The following CRCP variants were observed in gnomAD, a reference collection of about 807,000 sequenced individuals.
CRCP encodes the protein DNA-directed RNA polymerase III subunit RPC9.
In CRCP, 18 loss-of-function variants were observed where a neutral mutation model predicts 18.5. That is an observed-to-expected ratio of 0.97 (90% confidence interval 0.67 to 1.44). The LOEUF (loss-of-function observed/expected upper bound fraction) is 1.44. Among genes scored for constraint, CRCP ranks in the 40% most tolerant of loss-of-function variants. CRCP has a pLI of 0.00. For missense variants in CRCP, 130 were observed against 176.4 expected, an observed-to-expected ratio of 0.74 and a Z score of 1.49; for synonymous variants, 53 against 62.9, an observed-to-expected ratio of 0.84 and a Z score of 0.75.
At chr7:66,129,747 G>T (rs1398396173) in intron 2 of CRCP, among the ~76,000 whole-genome samples, 1 of 152,206 alleles carries the variant, frequency 6.6e-6, no homozygotes, top group East Asian at 1.9e-4. Flanking sequence ...CTAGGTGTTT[G>T]GGTGTTTTAT....
chr7:66,126,761 G>A (rs78190295), intron 1 of CRCP: 5,639 of 333,930 alleles, frequency 0.017, 490 homozygotes, highest in East Asian at 0.1. Context: ...GATAGTAGTA[G>A]TGATAATGTT....
intron 1 of CRCP, among the ~76,000 whole-genome samples, chr7:66,123,348 T>C (rs1355983586): frequency 6.6e-6 from 1 of 152,220 alleles, no homozygotes; most frequent in Non-Finnish European, 1.5e-5. Context: ...ATATATTACA[T>C]AATACTAAAG....
At chr7:66,141,419 T>C (rs771650096) in intron 4 of CRCP, among the ~76,000 whole-genome samples, 11 of 152,002 alleles carry the variant, frequency 7.2e-5, no homozygotes, top group Non-Finnish European at 1.5e-4. Flanking sequence ...GTCCTTCTCC[T>C]CTCTCTGTCT....
intron 1 of CRCP, among the ~76,000 whole-genome samples, chr7:66,127,217 A>G (rs316314): frequency 0.1 from 15,861 of 152,260 alleles, 1,006 homozygotes; most frequent in South Asian, 0.2. Flanking sequence ...CTCAGGAAAG[A>G]TGGCATATTG....
chr7:66,134,447 G>GTATTGA (rs1787910723), intron 4 of CRCP, 73 bp downstream of exon 4: 2 of 1,072,460 alleles, frequency 1.9e-6, no homozygotes, highest in Admixed American at 4.3e-5. Flanking sequence ...TAGCAACCGT[G>GTATTGA]TATTGATATT....
At chr7:66,130,895 T>G (rs1381229638) in intron 3 of CRCP, 53 bp downstream of exon 3, 1 of 965,292 alleles carries the variant, frequency 1.0e-6, no homozygotes, top group East Asian at 2.4e-5. Context: ...GGGAGGGGGG[T>G]TTATTCTCCC....
At chr7:66,140,686 C>T (rs117370959) in intron 4 of CRCP, among the ~76,000 whole-genome samples, 2,374 of 152,262 alleles carry the variant, frequency 0.016, 55 homozygotes, top group East Asian at 0.08. Context: ...TCACTGCGCC[C>T]GGCTGTGTCG....
At chr7:66,138,072 C>T (rs888132859) in intron 4 of CRCP, among the ~76,000 whole-genome samples, 14 of 152,242 alleles carry the variant, frequency 9.2e-5, no homozygotes, top group Non-Finnish European at 1.9e-4. Flanking sequence ...GCCTTTGGCA[C>T]TTTTCTGAGA....
chr7:66,131,220 C>T (rs1184468229), intron 3 of CRCP, among the ~76,000 whole-genome samples: 3 of 152,172 alleles, frequency 2.0e-5, no homozygotes, highest in Admixed American at 6.5e-5. Flanking sequence ...GTGATCCGTC[C>T]GCCTAGACTT....
chr7:66,141,010 G>A (rs879398663), intron 4 of CRCP, among the ~76,000 whole-genome samples: 10 of 151,964 alleles, frequency 6.6e-5, no homozygotes, highest in Admixed American at 4.6e-4. Flanking sequence ...TCCTAAAATC[G>A]AAGATTTTTT....
intron 5 of CRCP, among the ~76,000 whole-genome samples, chr7:66,151,833 G>C (rs967285586): frequency 7.0e-6 from 1 of 141,950 alleles, no homozygotes; most frequent in Non-Finnish European, 1.5e-5. Context: ...GGGCTCAAGT[G>C]ATCCTCCCAC....
At chr7:66,122,815 A>G (rs1350270690) in intron 1 of CRCP, among the ~76,000 whole-genome samples, 2 of 152,122 alleles carry the variant, frequency 1.3e-5, no homozygotes, top group Non-Finnish European at 2.9e-5. Flanking sequence ...GCAGATTGCA[A>G]ACTTCTTGAT....
At position 66,134,087 on chromosome 7, in the gene CRCP, T is replaced by C. The variant is rs1400634960; in HGVS notation, c.145-193T>C. Among the ~76,000 whole-genome samples the C allele has an allele frequency of 5.3e-5, 8 of 152,008 alleles. No homozygotes were observed. The East Asian group carries it at 5.8e-4, about 11-fold the overall frequency. ...GGTGGCCAGGCTGGTCTCGAACTCC[T>C]GACCTCAGGTGATTTGGCCACCTCG... On this transcript the variant is annotated intron_variant, in intron 3 of 5. Transcript: ENST00000395326.
intron 4 of CRCP, among the ~76,000 whole-genome samples, chr7:66,137,059 G>A (rs929501641): frequency 6.6e-6 from 1 of 151,518 alleles, no homozygotes; most frequent in South Asian, 2.1e-4. Context: ...CCAGCCTGGC[G>A]ACAGAGCGAG....
intron 1 of CRCP, chr7:66,120,862 A>T (rs413548): frequency 6.6e-6 from 1 of 151,972 alleles, no homozygotes; most frequent in Admixed American, 6.6e-5. Context: ...GGATTTTAGT[A>T]TATGTGGGGG....
intron 5 of CRCP, among the ~76,000 whole-genome samples, chr7:66,151,216 C>T (rs1004966795): frequency 1.3e-5 from 2 of 152,168 alleles, no homozygotes; most frequent in African/African-American, 4.8e-5. Flanking sequence ...TAGAAGAAGG[C>T]TCCAAACCAT....
intron 5 of CRCP, among the ~76,000 whole-genome samples, chr7:66,148,324 G>A (rs912355133): frequency 6.6e-6 from 1 of 152,128 alleles, no homozygotes; most frequent in African/African-American, 2.4e-5. Context: ...TGTAGTGAGC[G>A]TGACTGCACT....
chr7:66,145,148 C>G (rs886768814), intron 4 of CRCP, among the ~76,000 whole-genome samples: 3 of 152,022 alleles, frequency 2.0e-5, no homozygotes, highest in Non-Finnish European at 4.4e-5. Flanking sequence ...AAGAGGAAAA[C>G]TCTGTCTCAA....
chr7:66,136,437 T>C (rs1461670874), intron 4 of CRCP, among the ~76,000 whole-genome samples: 1 of 152,088 alleles, frequency 6.6e-6, no homozygotes, highest in African/African-American at 2.4e-5. Flanking sequence ...TCCATGTTGA[T>C]CAGGCTGGTC....
Sources: gnomAD v4.1 joint callset for allele counts (sites outside exome capture counted in the v4.1 genomes callset) on GRCh38, gnomAD v4.1.1 for gene constraint, MANE v1.5 for transcripts, NCBI Gene and HGNC (gene_info 2026-07-23, HGNC 2026-07-21) for gene names.